The following DISC1 variants were observed in gnomAD, a reference collection of about 807,000 sequenced individuals.
The protein encoded by DISC1 is disrupted in schizophrenia 1 protein.
A neutral mutation model predicts 84.5 loss-of-function variants in DISC1; 57 were observed. The observed-to-expected ratio is 0.67, with a 90% CI of 0.55 to 0.84. The LOEUF is 0.84. Ranked by LOEUF, DISC1 falls within the 40% of genes least tolerant of loss-of-function variation. The pLI is 0.00. For synonymous variants in DISC1, 411 were observed against 415.2 expected (o/e 0.99, Z 0.12); for missense variants, 1,000 against 1,057.8 (o/e 0.95, Z 0.76).
At chr1:231,977,878 T>A (rs544740649) in intron 10 of DISC1, among the ~76,000 whole-genome samples, 1 of 152,360 alleles carries the variant, frequency 6.6e-6, no homozygotes, top group South Asian at 2.1e-4. Context: ...TTAGTCAGTG[T>A]TTCAGTTTTA....
At chr1:231,974,893 G>A (rs1662560884) in intron 10 of DISC1, among the ~76,000 whole-genome samples, 1 of 152,294 alleles carries the variant, frequency 6.6e-6, no homozygotes, top group Non-Finnish European at 1.5e-5. Context: ...GAGGTCAAGA[G>A]ATCAAGACCA....
At chr1:231,866,687 C>A in intron 9 of DISC1, 1 of 1,382,056 alleles carries the variant, frequency 7.2e-7, no homozygotes, top group Non-Finnish European at 9.4e-7. Context: ...CATGATGTCA[C>A]AATAAAAAGA....
intron 3 of DISC1, chr1:231,723,377 A>G: frequency 1.0e-6 from 1 of 985,750 alleles, no homozygotes; most frequent in Non-Finnish European, 1.2e-6. Context: ...GGTCTGTGGA[A>G]CGGCGATGAT....
At chr1:231,877,400 A>G (rs1357016904) in intron 9 of DISC1, among the ~76,000 whole-genome samples, 1 of 152,272 alleles carries the variant, frequency 6.6e-6, no homozygotes, top group Admixed American at 6.5e-5. Flanking sequence ...CAATGGGACT[A>G]TAACTTACCT....
intron 10 of DISC1, among the ~76,000 whole-genome samples, chr1:231,972,852 A>G (rs1013355794): frequency 2.6e-5 from 4 of 152,164 alleles, no homozygotes; most frequent in African/African-American, 7.2e-5. Context: ...GTTTAGGAAA[A>G]AGCAAATAAG....
intron 11 of DISC1, among the ~76,000 whole-genome samples, chr1:232,016,062 T>C (rs1406221764): frequency 6.6e-6 from 1 of 152,132 alleles, no homozygotes; most frequent in Admixed American, 6.5e-5. Context: ...TCCAGCAAAC[T>C]ACAGGGGTGC....
intron 6 of DISC1, among the ~76,000 whole-genome samples, chr1:231,782,767 G>T (rs1454089335): frequency 6.6e-6 from 1 of 151,498 alleles, no homozygotes; most frequent in Non-Finnish European, 1.5e-5. Flanking sequence ...GCAAAACCCC[G>T]TCTCTACCAA....
chr1:231,877,663 T>G (rs1464505986), intron 9 of DISC1, among the ~76,000 whole-genome samples: 1 of 152,230 alleles, frequency 6.6e-6, no homozygotes, highest in Non-Finnish European at 1.5e-5. Context: ...AATGTTATTT[T>G]AGGTATACTC....
chr1:231,922,470 T>C (rs1293459014), intron 9 of DISC1, among the ~76,000 whole-genome samples: 1 of 152,138 alleles, frequency 6.6e-6, no homozygotes, highest in Non-Finnish European at 1.5e-5. Flanking sequence ...GAGGCACAGA[T>C]AAGGTACATT....
intron 9 of DISC1, among the ~76,000 whole-genome samples, chr1:231,878,307 A>C (rs1161471066): frequency 6.6e-6 from 1 of 152,176 alleles, no homozygotes. Context: ...GCACCTGACC[A>C]GGCTAGGGGC....
intron 1 of DISC1, among the ~76,000 whole-genome samples, chr1:231,651,494 C>G (rs2125288165): frequency 6.6e-6 from 1 of 152,350 alleles, no homozygotes; most frequent in East Asian, 1.9e-4. Flanking sequence ...TATGAGGTGT[C>G]AGTCGGCCCC....
At chr1:231,714,746 GAGAC>G (rs1383873965) in intron 3 of DISC1, among the ~76,000 whole-genome samples, 5 of 151,940 alleles carry the variant, frequency 3.3e-5, no homozygotes, top group Non-Finnish European at 4.4e-5. Flanking sequence ...GAGAGAGAGA[GAGAC>G]AGAAGGAGAT....
chr1:231,969,186 GTTTTT>G (rs71573149), intron 10 of DISC1, among the ~76,000 whole-genome samples: 4 of 91,674 alleles, frequency 4.4e-5, no homozygotes, highest in African/African-American at 1.7e-4. Context: ...ACACTCAGCG[GTTTTT>G]TTTTTTTTTT....
chr1:231,644,874 G>C (rs2059999835), intron 1 of DISC1, among the ~76,000 whole-genome samples: 1 of 151,810 alleles, frequency 6.6e-6, no homozygotes, highest in Non-Finnish European at 1.5e-5. Flanking sequence ...TGGACTCTCT[G>C]AATCTGTTGG....
chr1:232,033,016 T>G (rs16856295), intron 12 of DISC1, among the ~76,000 whole-genome samples: 87 of 152,232 alleles, frequency 5.7e-4, no homozygotes, highest in African/African-American at 1.9e-3. Context: ...CACTTTTTTT[T>G]AATTTATGGT....
At chr1:231,642,174 C>T (rs967714129) in intron 1 of DISC1, among the ~76,000 whole-genome samples, 29 of 152,250 alleles carry the variant, frequency 1.9e-4, no homozygotes, top group African/African-American at 6.5e-4. Flanking sequence ...CTGCCCGGGG[C>T]CGGCGGGGCC....
At chr1:231,642,319 G>T (rs12354361) in intron 1 of DISC1, among the ~76,000 whole-genome samples, 4,751 of 152,326 alleles carry the variant, frequency 0.031, 244 homozygotes, top group African/African-American at 0.11. Context: ...TGAGGGAGCC[G>T]GCTCCGGCCT....
Position 232,002,418 on chromosome 1 carries a change from A to T in DISC1, c.2043-6367A>T, listed in dbSNP as rs148714914. Among the ~76,000 whole-genome samples the T allele has an allele frequency of 4.1e-3, 620 of 152,300 alleles. 21 individuals carry two copies. The South Asian group carries it at 0.089, about 22-fold the overall frequency. On this transcript the variant is annotated intron_variant, in intron 10 of 12. Coordinates refer to ENST00000439617, the MANE Select transcript of DISC1 (RefSeq NM_018662.3). The stretch of plus-strand genomic sequence containing the variant: ...AAAATTTAATTTCACACAAACACCT[A>T]TGCACAGATGTTCATAGCATCTTTT...
chr1:231,798,208 T>A (rs201518040), intron 7 of DISC1, among the ~76,000 whole-genome samples: 1 of 151,942 alleles, frequency 6.6e-6, no homozygotes, highest in Non-Finnish European at 1.5e-5. Flanking sequence ...TTGCACTCAT[T>A]ACATTTCTTA....
Sources: gnomAD v4.1 joint callset for allele counts (sites outside exome capture counted in the v4.1 genomes callset) on GRCh38, gnomAD v4.1.1 for gene constraint, MANE v1.5 for transcripts, NCBI Gene and HGNC (gene_info 2026-07-23, HGNC 2026-07-21) for gene names.